Variants in BAZ2B observed in about 807,000 individuals in gnomAD.
The protein encoded by BAZ2B is bromodomain adjacent to zinc finger domain 2B.
In BAZ2B, 91 loss-of-function variants were observed where a neutral mutation model predicts 246.0. That is an observed-to-expected ratio of 0.37 (90% CI 0.31 to 0.44). The LOEUF (loss-of-function observed/expected upper bound fraction) is 0.44. BAZ2B is among the 20% of genes least tolerant of loss of function. The probability of loss-of-function intolerance (pLI) is 1.00; values close to 1 mark genes in which losing one functional copy is unlikely to be tolerated. For missense variants in BAZ2B, 2,332 were observed against 2,533.7 expected, an observed-to-expected ratio of 0.92 and a Z score of 1.71; for synonymous variants, 855 against 860.0, an observed-to-expected ratio of 0.99 and a Z score of 0.10.
At chr2:159,614,921 C>A (rs1695553813) in intron 1 of BAZ2B, among the ~76,000 whole-genome samples, 1 of 152,100 alleles carries the variant, frequency 6.6e-6, no homozygotes, top group African/African-American at 2.4e-5. Flanking sequence ...TGAGACTTAT[C>A]CAGACACACT....
intron 36 of BAZ2B, 43 bp from the exon 37 acceptor site, chr2:159,320,461 A>C: frequency 6.7e-7 from 1 of 1,484,472 alleles, no homozygotes; most frequent in African/African-American, 1.5e-5. Context: ...CATAGAGTGG[A>C]TTTGTTTTGT....
chr2:159,483,826 A>G (rs2079524759), intron 2 of BAZ2B, among the ~76,000 whole-genome samples: 1 of 152,098 alleles, frequency 6.6e-6, no homozygotes, highest in Non-Finnish European at 1.5e-5. Context: ...AAATGAGAAG[A>G]AAAGAAAAAA....
the BAZ2B span, among the ~76,000 whole-genome samples, chr2:159,624,735 A>G: frequency 6.6e-6 from 1 of 152,186 alleles, no homozygotes; most frequent in Non-Finnish European, 1.5e-5. Flanking sequence ...AAACCAGCCC[A>G]AAAAGGCTGA....
intron 3 of BAZ2B, chr2:159,463,213 C>T: frequency 1.9e-6 from 1 of 514,274 alleles, no homozygotes; most frequent in South Asian, 1.7e-5. Context: ...AGCAGCTATG[C>T]ATACCTTCTC....
At chr2:159,455,583 T>C (rs2075632101) in intron 3 of BAZ2B, among the ~76,000 whole-genome samples, 1 of 151,970 alleles carries the variant, frequency 6.6e-6, no homozygotes, top group African/African-American at 2.4e-5. Flanking sequence ...GGCATAAACT[T>C]GGGTGTCTCT....
At chr2:159,339,285 A>C (rs933105810) in intron 31 of BAZ2B, among the ~76,000 whole-genome samples, 3 of 152,168 alleles carry the variant, frequency 2.0e-5, no homozygotes, top group Non-Finnish European at 4.4e-5. Flanking sequence ...GCAACATCCC[A>C]AAATTCAAAC....
At chr2:159,404,673 G>A (rs1297746691) in intron 16 of BAZ2B, 176 bp downstream of exon 16, 2 of 560,460 alleles carry the variant, frequency 3.6e-6, no homozygotes, top group African/African-American at 3.8e-5. Context: ...CTTGGAAGTA[G>A]AAGACTTTAT....
intron 3 of BAZ2B, among the ~76,000 whole-genome samples, chr2:159,455,431 C>G (rs1413657522): frequency 1.3e-5 from 2 of 151,950 alleles, no homozygotes; most frequent in Non-Finnish European, 2.9e-5. Flanking sequence ...TGTTTTGTAT[C>G]AGGCTATATA....
At chr2:159,493,358 T>C (rs907500372) in intron 2 of BAZ2B, among the ~76,000 whole-genome samples, 10 of 152,214 alleles carry the variant, frequency 6.6e-5, no homozygotes, top group African/African-American at 2.4e-4. Flanking sequence ...TCTATCTAAA[T>C]GATAATATTC....
chr2:159,594,633 GT>G (rs57735673), intron 1 of BAZ2B, among the ~76,000 whole-genome samples: 92,416 of 148,448 alleles, frequency 0.62, 29,033 homozygotes, highest in East Asian at 0.92. Flanking sequence ...TATTTTGACA[GT>G]TTTTTTTTTT....
At chr2:159,595,470 AAG>A (rs1261500119) in intron 1 of BAZ2B, among the ~76,000 whole-genome samples, 1 of 152,172 alleles carries the variant, frequency 6.6e-6, no homozygotes, top group Non-Finnish European at 1.5e-5. Context: ...TTGCCACTTT[AAG>A]AGGCGAAAAA....
intron 20 of BAZ2B, among the ~76,000 whole-genome samples, chr2:159,389,934 AAAC>A (rs2063127920): frequency 6.6e-6 from 1 of 152,168 alleles, no homozygotes; most frequent in South Asian, 2.1e-4. Context: ...TCACCACCAT[AAAC>A]AACACTTAAG....
At chr2:159,596,709 G>C (rs750556286) in intron 1 of BAZ2B, among the ~76,000 whole-genome samples, 5 of 152,050 alleles carry the variant, frequency 3.3e-5, no homozygotes, top group Non-Finnish European at 4.4e-5. Flanking sequence ...AATCCCCAAA[G>C]TCCACTGTGT....
At position 159,318,994 on chromosome 2, in the gene BAZ2B, C is replaced by A. The variant is rs1473117353; in HGVS notation, c.*1271G>T. 2.0e-5 allele frequency: 3 copies of A among 152,574 alleles called. No individual in the cohort carries two copies. The highest frequency in any genetic ancestry group is 7.2e-5 in the African/African-American group (3 of 41,438). 9.5% of individuals were successfully genotyped at this position (152,574 alleles called of 1,614,324 possible). A position where few individuals can be genotyped will look rare whatever the true frequency, so the allele number is the denominator to read the frequency against. On this transcript the variant is annotated 3_prime_UTR_variant, in exon 37 of 37. Transcript: ENST00000392783. ...AACTAAAAAATTAGTTTGTAAAAGT[C>A]TTTTATTGTATCCGTGCCACACATA...
intron 2 of BAZ2B, among the ~76,000 whole-genome samples, chr2:159,485,308 G>A (rs1017106123): frequency 2.0e-5 from 3 of 151,976 alleles, no homozygotes; most frequent in African/African-American, 2.4e-5. Context: ...GGATGTGGCC[G>A]AAATACCTTA....
At chr2:159,351,309 C>T (rs1451762061) in intron 27 of BAZ2B, among the ~76,000 whole-genome samples, 1 of 151,976 alleles carries the variant, frequency 6.6e-6, no homozygotes, top group Non-Finnish European at 1.5e-5. Context: ...CATATAACTT[C>T]ATCATAAATT....
rs555279913 is a variant in BAZ2B at position 159,570,416 on chromosome 2, C to T, written c.-45-14551G>A. ...CAGGCTGGTCTCAAACTCCTGACCT[C>T]GTGATCCGCCCGCCTCGGCCTCCCA... On this transcript the variant is annotated intron_variant, in intron 1 of 36. Coordinates refer to ENST00000392783, the MANE Select transcript of BAZ2B (RefSeq NM_013450.4). Among the ~76,000 whole-genome samples the T allele has an allele frequency of 1.6e-4, 24 of 152,216 alleles. No individual in the cohort carries two copies. The South Asian group carries it at 3.9e-3, about 25-fold the overall frequency.
At chr2:159,592,942 A>C (rs6714917) in intron 1 of BAZ2B, among the ~76,000 whole-genome samples, 84,026 of 151,988 alleles carry the variant, frequency 0.55, 23,990 homozygotes, top group East Asian at 0.75. Flanking sequence ...TCATCTCTTT[A>C]TTCCCTCTCA....
At chr2:159,554,782 T>C (rs556286063) in intron 2 of BAZ2B, among the ~76,000 whole-genome samples, 13 of 152,144 alleles carry the variant, frequency 8.5e-5, no homozygotes, top group Non-Finnish European at 1.8e-4. Context: ...AAAAATGATA[T>C]AAAGTTCATG....
Sources: gnomAD v4.1 joint callset for allele counts (sites outside exome capture counted in the v4.1 genomes callset) on GRCh38, gnomAD v4.1.1 for gene constraint, MANE v1.5 for transcripts, NCBI Gene and HGNC (gene_info 2026-07-23, HGNC 2026-07-21) for gene names.